Variants in RPN2 observed in about 807,000 individuals in gnomAD.
RPN2 encodes ribophorin II.
A neutral mutation model predicts 71.4 loss-of-function variants in RPN2; 29 were observed. That is an observed-to-expected ratio of 0.41 (90% CI 0.30 to 0.55). The LOEUF is 0.55. Among genes scored for constraint, RPN2 ranks in the 20% least tolerant of loss-of-function variants. The probability of loss-of-function intolerance (pLI) is 0.35; values close to 1 mark genes in which losing one functional copy is unlikely to be tolerated. For synonymous variants in RPN2, 308 were observed against 305.0 expected (o/e 1.01, Z -0.10); for missense variants, 726 against 774.1 (o/e 0.94, Z 0.74).
chr20:37,232,006 G>C (rs1308982490), intron 13 of RPN2, among the ~76,000 whole-genome samples: 3 of 152,138 alleles, frequency 2.0e-5, no homozygotes, highest in African/African-American at 7.2e-5. Context: ...GCCACTTGAT[G>C]GATTGCATTC....
intron 2 of RPN2, among the ~76,000 whole-genome samples, chr20:37,196,224 C>G (rs549737668): frequency 1.3e-5 from 2 of 151,516 alleles, no homozygotes; most frequent in Non-Finnish European, 3.0e-5. Context: ...CGTGCCTAGT[C>G]TCCCCCCCAC....
chr20:37,219,425 T>C (rs1027022667), intron 9 of RPN2, among the ~76,000 whole-genome samples: 3 of 152,192 alleles, frequency 2.0e-5, no homozygotes, highest in African/African-American at 7.2e-5. Flanking sequence ...TTTATTTATC[T>C]TTTTATATTA....
Position 37,192,375 on chromosome 20 carries a change from G to A in RPN2, c.208-6022G>A, listed in dbSNP as rs1306328055. On this transcript the variant is annotated intron_variant, in intron 2 of 16. Transcript: ENST00000237530. ...GACAAGAGAGCTCATTATCCATTGA[G>A]AGTACCATAATACAGTGCTAAGTGC... 3.3e-5 allele frequency among the ~76,000 whole-genome samples: 5 copies of A among 152,318 alleles called. No homozygotes were observed. The East Asian group carries it at 9.6e-4, about 29-fold the overall frequency.
At chr20:37,234,209 T>C in intron 15 of RPN2, 114 bp downstream of exon 15, 2 of 1,011,630 alleles carry the variant, frequency 2.0e-6, no homozygotes, top group Non-Finnish European at 3.0e-6. Flanking sequence ...TTAATAGCAT[T>C]ACATTTCCCT....
At chr20:37,192,475 C>T (rs1184224893) in intron 2 of RPN2, among the ~76,000 whole-genome samples, 1 of 152,166 alleles carries the variant, frequency 6.6e-6, no homozygotes, top group Non-Finnish European at 1.5e-5. Context: ...CCCTGTCTGC[C>T]AAGAAAGCCA....
At chr20:37,196,036 G>T (rs2067249166) in intron 2 of RPN2, among the ~76,000 whole-genome samples, 1 of 151,910 alleles carries the variant, frequency 6.6e-6, no homozygotes, top group African/African-American at 2.4e-5. Context: ...CCTCCACCCT[G>T]TCCTACTCTC....
intron 9 of RPN2, among the ~76,000 whole-genome samples, chr20:37,223,596 A>C (rs550927101): frequency 2.0e-5 from 3 of 151,184 alleles, no homozygotes; most frequent in Non-Finnish European, 4.4e-5. Flanking sequence ...TAAAGGACAC[A>C]TGAAAAGATT....
intron 2 of RPN2, among the ~76,000 whole-genome samples, chr20:37,198,030 C>T (rs959744917): frequency 1.3e-5 from 2 of 152,138 alleles, no homozygotes; most frequent in Non-Finnish European, 2.9e-5. Context: ...CAATTTGGAG[C>T]CCCAGTTTCT....
intron 2 of RPN2, among the ~76,000 whole-genome samples, chr20:37,195,950 G>C (rs1600757347): frequency 6.6e-6 from 1 of 152,132 alleles, no homozygotes; most frequent in South Asian, 2.1e-4. Flanking sequence ...TGCTTTGGTT[G>C]GAGTAGCATG....
intron 1 of RPN2, among the ~76,000 whole-genome samples, chr20:37,180,932 A>G (rs1016900915): frequency 1.4e-4 from 22 of 152,082 alleles, no homozygotes; most frequent in African/African-American, 4.8e-4. Context: ...TCTGCTTAGA[A>G]CTTTCCAGTG....
chr20:37,180,318 T>C (rs2066827695), intron 1 of RPN2, among the ~76,000 whole-genome samples: 1 of 152,264 alleles, frequency 6.6e-6, no homozygotes, highest in African/African-American at 2.4e-5. Flanking sequence ...TGATGTGTCC[T>C]AGGGCAGGTA....
intron 4 of RPN2, chr20:37,200,353 AAT>A (rs1491476728): frequency 1.3e-5 from 4 of 306,550 alleles, no homozygotes; most frequent in African/African-American, 4.2e-5. Context: ...GGCCGGTTGT[AAT>A]TTTTTTTTTT....
chr20:37,188,460 G>A (rs6031934), intron 2 of RPN2, among the ~76,000 whole-genome samples: 5 of 151,944 alleles, frequency 3.3e-5, no homozygotes, highest in African/African-American at 7.2e-5. Flanking sequence ...GCCCATTGTC[G>A]TACTTTTTAA....
At chr20:37,238,554 C>A in intron 16 of RPN2, 1 of 808,588 alleles carries the variant, frequency 1.2e-6, no homozygotes. Context: ...CTTGCTCCTC[C>A]CACCCCTCCC....
rs117816028 is a variant in RPN2, at chr20:37,183,767, G to A, written c.14-413G>A. Among the ~76,000 whole-genome samples, 15 of 152,304 alleles carry A rather than the reference G, an allele frequency of 9.8e-5. No individual in the cohort carries two copies. In the East Asian group the frequency reaches 2.9e-3, roughly 29 times the overall value. On this transcript the variant is annotated intron_variant, in intron 1 of 16. Transcript: ENST00000237530. ...TAAGCCAAGTTGAGGTAAAAACATG[G>A]AAAAATGCTGAGCAGGAAAGAACCT...
At chr20:37,219,024 T>C (rs1165559040) in intron 9 of RPN2, among the ~76,000 whole-genome samples, 1 of 152,252 alleles carries the variant, frequency 6.6e-6, no homozygotes, top group Non-Finnish European at 1.5e-5. Context: ...TTTTTGGTTC[T>C]TTCAGGTATA....
chr20:37,217,586 C>T (rs568001837), intron 9 of RPN2, among the ~76,000 whole-genome samples: 152 of 151,554 alleles, frequency 1.0e-3, no homozygotes, highest in African/African-American at 3.5e-3. Flanking sequence ...CCACCATGCC[C>T]GGCCTAAATC....
rs189608130 is a variant in RPN2, at chr20:37,200,848, G to A, written c.479+1623G>A. On this transcript the variant is annotated intron_variant, in intron 4 of 16. Coordinates refer to ENST00000237530, the MANE Select transcript of RPN2 (RefSeq NM_002951.5). ...TGCCATGATGCCACTGTTAGTGCCT[G>A]TGCCTTACTTTGATGCTACCTTCTA... Among the ~76,000 whole-genome samples the A allele has an allele frequency of 5.3e-4, 80 of 152,242 alleles. No homozygotes were observed. The East Asian group carries it at 0.013, about 25-fold the overall frequency.
At position 37,199,231 on chromosome 20, in the gene RPN2, T is replaced by C; in HGVS notation, c.479+6T>C. On this transcript the variant is annotated splice_donor_region_variant and intron_variant, in intron 4 of 16. Coordinates refer to ENST00000237530, the MANE Select transcript of RPN2 (RefSeq NM_002951.5). ...AAGGAGGAGACTGTGCTGGCGTGAG[T>C]TGTCATCTCGAGCATTTCTCAGGCT... 2 of 1,613,248 alleles carry C rather than the reference T, an allele frequency of 1.2e-6. No homozygotes were observed. The highest frequency in any genetic ancestry group is 2.2e-5 in the East Asian group (1 of 44,886).
Sources: gnomAD v4.1 joint callset for allele counts (sites outside exome capture counted in the v4.1 genomes callset) on GRCh38, gnomAD v4.1.1 for gene constraint, MANE v1.5 for transcripts, NCBI Gene and HGNC (gene_info 2026-07-23, HGNC 2026-07-21) for gene names.